NME9: variants seen among roughly 807,000 people sequenced by gnomAD.
NME9 encodes the protein NME/NM23 family member 9, also known as thioredoxin domain-containing protein 6.
NME9 carries 48 observed loss-of-function variants against 44.4 expected under a neutral mutation model. That is an observed-to-expected ratio of 1.08 (90% CI 0.86 to 1.37). NME9 has a LOEUF of 1.37. NME9 is among the 40% of genes most tolerant of loss of function. NME9 has a pLI of 0.00. For synonymous variants in NME9, 139 were observed against 147.1 expected (o/e 0.94, Z 0.40); for missense variants, 325 against 405.2 (o/e 0.80, Z 1.70).
chr3:138,283,547 C>T (rs547365284), intron 8 of NME9, among the ~76,000 whole-genome samples: 45 of 151,682 alleles, frequency 3.0e-4, no homozygotes, highest in Middle Eastern at 3.4e-3. Context: ...TTTTTTTTTC[C>T]TGCCTCATCC....
At chr3:138,262,716 C>A in intron 8 of NME9, 1 of 882,856 alleles carries the variant, frequency 1.1e-6, no homozygotes, top group Non-Finnish European at 1.6e-6. Flanking sequence ...AATTCTTCTG[C>A]AAGGACAACC....
At chr3:138,291,299 C>T (rs920721055) in intron 8 of NME9, among the ~76,000 whole-genome samples, 1 of 152,238 alleles carries the variant, frequency 6.6e-6, no homozygotes, top group African/African-American at 2.4e-5. Context: ...CTCTGCCTTT[C>T]TCATCTTCTC....
intron 2 of NME9, among the ~76,000 whole-genome samples, chr3:138,322,849 G>A (rs529331205): frequency 2.8e-4 from 42 of 152,212 alleles, no homozygotes; most frequent in African/African-American, 9.6e-4. Context: ...AAGGTGGCTG[G>A]CACATGATAC....
At chr3:138,325,903 G>A (rs1008576048) in intron 1 of NME9, among the ~76,000 whole-genome samples, 2 of 151,260 alleles carry the variant, frequency 1.3e-5, no homozygotes, top group African/African-American at 2.4e-5. Context: ...TCAAAATCAG[G>A]GGAAAAAAAC....
At chr3:138,295,925 A>G (rs774263867) in intron 8 of NME9, 1 of 1,610,730 alleles carries the variant, frequency 6.2e-7, no homozygotes, top group Admixed American at 1.7e-5. Flanking sequence ...CGAGCATCCC[A>G]CCTCCTTGTT....
exon 9 of NME9, chr3:138,262,397 G>C: frequency 1.1e-6 from 1 of 917,898 alleles, no homozygotes; most frequent in East Asian, 2.5e-5. Context: ...CAGCTAAAAT[G>C]TGGTTCCCTG....
chr3:138,294,442 G>A (rs1169331975), intron 8 of NME9, among the ~76,000 whole-genome samples: 2 of 152,190 alleles, frequency 1.3e-5, no homozygotes, highest in African/African-American at 4.8e-5. Flanking sequence ...TGTCCTTGTA[G>A]AACCCTACTT....
intron 8 of NME9, among the ~76,000 whole-genome samples, chr3:138,287,162 G>C (rs1345754956): frequency 4.6e-5 from 7 of 152,142 alleles, no homozygotes; most frequent in Admixed American, 3.3e-4. Context: ...ATCAGATCTT[G>C]TCCCTCCACT....
chr3:138,276,653 T>C (rs549006852), intron 8 of NME9, among the ~76,000 whole-genome samples: 5 of 152,068 alleles, frequency 3.3e-5, no homozygotes, highest in Non-Finnish European at 5.9e-5. Context: ...TATTGAGATA[T>C]TAAACAGTAC....
At chr3:138,329,106 G>A (rs548317163) in intron 1 of NME9, among the ~76,000 whole-genome samples, 197 bp downstream of exon 1, 1 of 152,164 alleles carries the variant, frequency 6.6e-6, no homozygotes, top group Non-Finnish European at 1.5e-5. Flanking sequence ...TTTTGTTTGC[G>A]TAAAATTTGT....
intron 8 of NME9, among the ~76,000 whole-genome samples, chr3:138,268,960 A>T (rs548000445): frequency 1.8e-4 from 27 of 152,288 alleles, no homozygotes; most frequent in African/African-American, 6.5e-4. Flanking sequence ...ATCTAAGATA[A>T]TATCCTTGTT....
intron 8 of NME9, among the ~76,000 whole-genome samples, chr3:138,273,821 C>CTTTT (rs764799623): frequency 6.9e-6 from 1 of 145,212 alleles, no homozygotes; most frequent in African/African-American, 2.5e-5. Context: ...ATGCTTCCCC[C>CTTTT]TTTTTTTTTT....
chr3:138,265,049 C>T (rs2048144620), intron 8 of NME9, among the ~76,000 whole-genome samples: 1 of 151,960 alleles, frequency 6.6e-6, no homozygotes, highest in Non-Finnish European at 1.5e-5. Flanking sequence ...AGGTATGTGC[C>T]ACTATGCCTG....
Position 138,303,494 on chromosome 3 carries a change from C to T in NME9, c.928+13G>A, listed in dbSNP as rs1222978796. 1 of 1,606,918 alleles carries T rather than the reference C, an allele frequency of 6.2e-7. No individual in the cohort carries two copies. The highest frequency in any genetic ancestry group is 8.5e-7 in the Non-Finnish European group (1 of 1,173,758). On this transcript the variant is annotated intron_variant, in intron 10 of 10. Transcript: ENST00000333911. ...ATGATTTAATAAAGACCAAGTCTGC[C>T]TTGATGACTTACCCTGAGGGGCTTC...
chr3:138,310,680 AAATT>A (rs1425858946), intron 6 of NME9, among the ~76,000 whole-genome samples: 1 of 152,224 alleles, frequency 6.6e-6, no homozygotes, highest in Non-Finnish European at 1.5e-5. Context: ...ATCAGAGAAT[AAATT>A]AAAAAGGGAA....
chr3:138,273,191 C>T, intron 8 of NME9: 1 of 1,410,410 alleles, frequency 7.1e-7, no homozygotes, highest in Non-Finnish European at 9.6e-7. Flanking sequence ...TCTCTCTGTG[C>T]TCTCATTAAC....
intron 1 of NME9, among the ~76,000 whole-genome samples, chr3:138,329,086 T>C (rs950840769): frequency 1.3e-5 from 2 of 152,244 alleles, no homozygotes; most frequent in Non-Finnish European, 2.9e-5. Flanking sequence ...CTCAGTTTTG[T>C]TTGCATTAAT....
intron 8 of NME9, chr3:138,264,251 A>G (rs1221021217): frequency 6.5e-6 from 10 of 1,526,850 alleles, no homozygotes; most frequent in Non-Finnish European, 9.1e-6. Flanking sequence ...CTGTACTCAC[A>G]GACCCTAGAG....
chr3:138,313,937 G>A (rs2052886222), intron 6 of NME9, among the ~76,000 whole-genome samples: 1 of 152,082 alleles, frequency 6.6e-6, no homozygotes. Flanking sequence ...AAGAGAGGTT[G>A]ATTAATAGGT....
Sources: allele counts gnomAD v4.1 joint callset (sites outside exome capture counted in the v4.1 genomes callset), GRCh38; gene constraint gnomAD v4.1.1; transcripts MANE v1.5; gene names NCBI Gene and HGNC (gene_info 2026-07-23, HGNC 2026-07-21).